TBC1D12: variants seen among roughly 807,000 people sequenced by gnomAD.
TBC1D12 encodes TBC1 domain family, member 12.
A neutral mutation model predicts 86.7 loss-of-function variants in TBC1D12; 56 were observed. The observed-to-expected ratio is 0.65, with a 90% CI of 0.52 to 0.81. The LOEUF is 0.81. TBC1D12 is among the 30% of genes least tolerant of loss of function. The pLI is 0.00. For synonymous variants in TBC1D12, 421 were observed against 411.7 expected (o/e 1.02, Z -0.27); for missense variants, 1,023 against 1,038.8 (o/e 0.98, Z 0.21).
chr10:94,458,742 T>G (rs988969866), intron 2 of TBC1D12, among the ~76,000 whole-genome samples: 1 of 152,126 alleles, frequency 6.6e-6, no homozygotes, highest in Admixed American at 6.5e-5. Flanking sequence ...GTGTTATAGC[T>G]CTTAAAGGTG....
At chr10:94,503,171 A>G (rs2134193921) in intron 6 of TBC1D12, among the ~76,000 whole-genome samples, 1 of 152,318 alleles carries the variant, frequency 6.6e-6, no homozygotes, top group African/African-American at 2.4e-5. Context: ...CTGTACTATA[A>G]TTTATTTAAC....
chr10:94,522,726 C>T (rs190808217), intron 11 of TBC1D12, among the ~76,000 whole-genome samples: 1 of 151,820 alleles, frequency 6.6e-6, no homozygotes, highest in African/African-American at 2.4e-5. Flanking sequence ...CCAGCCTGTC[C>T]CACATGGCGA....
At chr10:94,436,521 T>C (rs1319212308) in intron 1 of TBC1D12, among the ~76,000 whole-genome samples, 2 of 152,178 alleles carry the variant, frequency 1.3e-5, no homozygotes, top group East Asian at 1.9e-4. Context: ...TTGGATGAAA[T>C]TGATAGATAA....
intron 1 of TBC1D12, among the ~76,000 whole-genome samples, chr10:94,414,705 T>C (rs1297671733): frequency 2.0e-5 from 3 of 151,786 alleles, no homozygotes; most frequent in Non-Finnish European, 4.4e-5. Flanking sequence ...GTTCCAGCGA[T>C]TCTCCCATCT....
At chr10:94,528,485 A>G (rs1842350999) in intron 11 of TBC1D12, among the ~76,000 whole-genome samples, 1 of 152,140 alleles carries the variant, frequency 6.6e-6, no homozygotes, top group Non-Finnish European at 1.5e-5. Context: ...TGGTGGGTGA[A>G]TTTTGCCAAA....
intron 1 of TBC1D12, among the ~76,000 whole-genome samples, chr10:94,419,574 CAGG>C (rs1300146010): frequency 6.6e-6 from 1 of 151,978 alleles, no homozygotes; most frequent in African/African-American, 2.4e-5. Flanking sequence ...GAGACTGAGG[CAGG>C]AGAATTCCAT....
In TBC1D12 at chr10:94,514,920, T is replaced by C. The variant is rs184894384; in HGVS notation, c.1761+3266T>C. On this transcript the variant is annotated intron_variant, in intron 9 of 12. Transcript: ENST00000225235. Reference sequence around the variant, plus strand: ...AGTTTTTTTTTTCTTTTTTTTTTTTTTTTTTGAGACGGAGTCTCACTCTGT... The same window carrying C: ...AGTTTTTTTTTTCTTTTTTTTTTTTCTTTTTGAGACGGAGTCTCACTCTGT... 7.3e-3 allele frequency among the ~76,000 whole-genome samples: 1,079 copies of C among 147,168 alleles called. 4 individuals are homozygous for C. Among genetic ancestry groups the C allele is most frequent in the Non-Finnish European group, 0.011 (744 of 66,704 alleles).
chr10:94,432,605 A>G (rs747664822), intron 1 of TBC1D12, among the ~76,000 whole-genome samples: 1 of 152,178 alleles, frequency 6.6e-6, no homozygotes, highest in East Asian at 1.9e-4. Flanking sequence ...CTGTGGGCTC[A>G]TATTTCTTTT....
At chr10:94,424,474 A>G (rs2055121442) in intron 1 of TBC1D12, among the ~76,000 whole-genome samples, 1 of 152,166 alleles carries the variant, frequency 6.6e-6, no homozygotes, top group African/African-American at 2.4e-5. Flanking sequence ...TCGTTCATTC[A>G]GTAAGCATAT....
intron 11 of TBC1D12, among the ~76,000 whole-genome samples, chr10:94,523,192 C>CACAA (rs1842200946): frequency 2.3e-5 from 1 of 44,076 alleles, no homozygotes; most frequent in African/African-American, 9.1e-5. Flanking sequence ...AACTCTATCT[C>CACAA]AAAAAAAAAA....
intron 2 of TBC1D12, among the ~76,000 whole-genome samples, chr10:94,462,697 T>C (rs2055748431): frequency 6.6e-6 from 1 of 152,076 alleles, no homozygotes; most frequent in Non-Finnish European, 1.5e-5. Context: ...ATTAAATTAT[T>C]CATATTTTCT....
intron 1 of TBC1D12, among the ~76,000 whole-genome samples, chr10:94,418,197 G>T (rs1035351932): frequency 5.3e-5 from 8 of 152,226 alleles, no homozygotes; most frequent in African/African-American, 1.9e-4. Context: ...CTTGAATTTG[G>T]TTATCTCCAA....
intron 2 of TBC1D12, among the ~76,000 whole-genome samples, chr10:94,473,914 T>A (rs77997195): frequency 0.015 from 2,244 of 152,338 alleles, 55 homozygotes; most frequent in East Asian, 0.06. Flanking sequence ...AATACTATAG[T>A]AAGTTTCTTA....
chr10:94,524,549 G>A (rs1355532210), intron 11 of TBC1D12, among the ~76,000 whole-genome samples: 1 of 151,860 alleles, frequency 6.6e-6, no homozygotes, highest in Non-Finnish European at 1.5e-5. Flanking sequence ...GACCATCCTG[G>A]CCAACATGGT....
At chr10:94,461,162 G>C (rs1316460653) in intron 2 of TBC1D12, among the ~76,000 whole-genome samples, 1 of 152,074 alleles carries the variant, frequency 6.6e-6, no homozygotes, top group Non-Finnish European at 1.5e-5. Context: ...AAATGTGGTG[G>C]GTAAAAGGAA....
At chr10:94,465,598 A>G (rs1045311874) in intron 2 of TBC1D12, among the ~76,000 whole-genome samples, 4 of 151,558 alleles carry the variant, frequency 2.6e-5, no homozygotes, top group African/African-American at 9.7e-5. Flanking sequence ...GTGAGCCAAG[A>G]TCATGCCACT....
chr10:94,468,856 T>G (rs1253246126), intron 2 of TBC1D12, among the ~76,000 whole-genome samples: 1 of 152,226 alleles, frequency 6.6e-6, no homozygotes, highest in Non-Finnish European at 1.5e-5. Flanking sequence ...TTTCCCTTTC[T>G]TTGCTTAATT....
intron 9 of TBC1D12, among the ~76,000 whole-genome samples, chr10:94,518,936 G>A (rs373684744): frequency 4.3e-4 from 66 of 152,208 alleles, no homozygotes; most frequent in African/African-American, 1.4e-3. Flanking sequence ...TTAGCCAGGC[G>A]TGGTGGCAGG....
chr10:94,517,678 A>G (rs186329776), intron 9 of TBC1D12, among the ~76,000 whole-genome samples: 1 of 152,324 alleles, frequency 6.6e-6, no homozygotes, highest in African/African-American at 2.4e-5. Flanking sequence ...TTTATAAGTT[A>G]AAAATAGTGT....
Sources: allele counts gnomAD v4.1 joint callset (sites outside exome capture counted in the v4.1 genomes callset), GRCh38; gene constraint gnomAD v4.1.1; transcripts MANE v1.5; gene names NCBI Gene and HGNC (gene_info 2026-07-23, HGNC 2026-07-21).